MPZL1: variants seen among roughly 807,000 people sequenced by gnomAD.
The protein encoded by MPZL1 is myelin protein zero-like protein 1.
A neutral mutation model predicts 29.3 loss-of-function variants in MPZL1; 16 were observed. The ratio of observed to expected loss-of-function variants is 0.55; its 90% CI spans 0.37 to 0.83. The LOEUF (loss-of-function observed/expected upper bound fraction) is 0.83. Ranked by LOEUF, MPZL1 falls within the 40% of genes least tolerant of loss-of-function variation. The pLI is 0.00. For missense variants in MPZL1, 279 were observed against 332.9 expected (o/e 0.84, Z 1.26); for synonymous variants, 143 against 132.0 (o/e 1.08, Z -0.57).
chr1:167,770,441 G>GGACTGAGGAGA (rs1397680080), intron 2 of MPZL1, among the ~76,000 whole-genome samples: 1 of 152,250 alleles, frequency 6.6e-6, no homozygotes, highest in Non-Finnish European at 1.5e-5. Context: ...GCTGAAAGCA[G>GGACTGAGGAGA]GACTGAGGAG....
intron 1 of MPZL1, among the ~76,000 whole-genome samples, chr1:167,742,521 A>G (rs1040194569): frequency 2.6e-5 from 4 of 152,136 alleles, no homozygotes; most frequent in Non-Finnish European, 5.9e-5. Context: ...TCAGTCTACC[A>G]TAATCAGAAT....
Position 167,789,664 on chromosome 1 carries a change from A to G in MPZL1, c.*1743A>G, listed in dbSNP as rs3088322. 110,489 of 152,116 alleles carry G rather than the reference A, an allele frequency of 0.73. 40,421 individuals carry two copies. Among genetic ancestry groups the G allele is most frequent in the Admixed American group, 0.8 (12,201 of 15,300 alleles). The allele number at this position is 152,116 out of a possible 1,614,324, so 9.4% of individuals were successfully genotyped here. A position where few individuals can be genotyped will look rare whatever the true frequency, so the allele number is the denominator to read the frequency against. On this transcript the variant is annotated 3_prime_UTR_variant, in exon 6 of 6. Transcript: ENST00000359523. ...TGTAACGCTCCACCTTACATGCCAC[A>G]TCTGTGTGAGTCAACAGGGATCAGG...
In MPZL1 at chr1:167,787,888, G is replaced by C. The variant is rs769945676; in HGVS notation, c.777G>C (p.Glu259Asp). 4 of 1,613,572 alleles carry C rather than the reference G, an allele frequency of 2.5e-6. No individual in the cohort carries two copies. In the South Asian group the frequency reaches 3.3e-5, roughly 13 times the overall value. ...GHHSDKINKS[E>D]SVVYADIRKN ...ACAGTGACAAGATTAACAAGTCAGA[G>C]TCTGTGGTGTATGCGGATATCCGAA... The change falls in exon 6 of 6, where the codon GAG (glutamate) becomes GAC (aspartate). Residue 259 changes from glutamate (E) to aspartate (D), a missense_variant. Glu to Asp is a conservative substitution (Grantham distance 45). Transcript: ENST00000359523.
At chr1:167,779,998 C>T (rs1226658259) in intron 5 of MPZL1, among the ~76,000 whole-genome samples, 1 of 152,012 alleles carries the variant, frequency 6.6e-6, no homozygotes, top group Non-Finnish European at 1.5e-5. Context: ...GATCTACTTA[C>T]AAAGAAGACA....
intron 1 of MPZL1, among the ~76,000 whole-genome samples, chr1:167,750,614 A>T (rs752377685): frequency 1.8e-4 from 27 of 152,206 alleles, no homozygotes; most frequent in Non-Finnish European, 3.4e-4. Flanking sequence ...AAGCAGTAAA[A>T]ATGCCGTTCC....
rs1387652331 is a variant in MPZL1, at chr1:167,739,282, C to CATATATACATATAT, written c.91+17047_91+17048insCATATATATATATA. Among the ~76,000 whole-genome samples, 101 of 90,388 alleles carry CATATATACATATAT rather than the reference C, an allele frequency of 1.1e-3. No individual in the cohort carries two copies. The East Asian group carries it at 0.012, about 11-fold the overall frequency. The allele number at this position is 90,388 out of a possible 152,430, so 59.3% of individuals were successfully genotyped here. A position where few individuals can be genotyped will look rare whatever the true frequency, so the allele number is the denominator to read the frequency against. ...ATACACATACATATATACATATATA[C>CATATATACATATAT]ATATATATATATATATATATATATA... is the stretch of plus-strand genomic sequence containing the variant. On this transcript the variant is annotated intron_variant, in intron 1 of 5. Transcript: ENST00000359523.
intron 1 of MPZL1, among the ~76,000 whole-genome samples, chr1:167,751,350 T>C (rs1660751249): frequency 6.6e-6 from 1 of 152,132 alleles, no homozygotes; most frequent in Non-Finnish European, 1.5e-5. Context: ...ACAGATATAA[T>C]CATGTAGAAT....
chr1:167,763,511 A>G (rs977072371), intron 1 of MPZL1, among the ~76,000 whole-genome samples: 2 of 151,784 alleles, frequency 1.3e-5, no homozygotes, highest in African/African-American at 2.4e-5. Context: ...AAAAAAAAAA[A>G]AAAGAAAGAA....
chr1:167,728,113 C>T (rs796431543), intron 1 of MPZL1, among the ~76,000 whole-genome samples: 48 of 148,058 alleles, frequency 3.2e-4, no homozygotes, highest in African/African-American at 1.1e-3. Flanking sequence ...CATCTCGGCT[C>T]ATTGCAGCCT....
At chr1:167,776,239 G>A (rs1036319081) in intron 5 of MPZL1, 73 bp downstream of exon 5, 18 of 1,078,386 alleles carry the variant, frequency 1.7e-5, no homozygotes, top group Non-Finnish European at 2.3e-5. Context: ...CCTTGGGTGT[G>A]GAAAAGAATA....
rs1274923103 is a variant in MPZL1, at chr1:167,765,725, A to G, written c.234A>G (p.Pro78=). The change falls in exon 2 of 6, where the codon CCA becomes CCG. Residue 78 remains proline (P), a synonymous_variant. Transcript: ENST00000359523. The stretch of plus-strand genomic sequence containing the variant: ...CCTCAGTCTCCTGGAGCTTCCAGCC[A>G]GAGGGGGCCGACACTACTGTGTCGG... The part of the protein sequence containing the change: ...GLTSVSWSFQ[P]EGADTTVSFF... 2 of 1,611,802 alleles carry G rather than the reference A, an allele frequency of 1.2e-6. No individual in the cohort carries two copies. The highest frequency in any genetic ancestry group is 1.7e-6 in the Non-Finnish European group (2 of 1,178,936).
At chr1:167,755,613 A>G (rs12039424) in intron 1 of MPZL1, among the ~76,000 whole-genome samples, 26,978 of 152,122 alleles carry the variant, frequency 0.18, 2,613 homozygotes, top group East Asian at 0.35. Context: ...AGAACCAAGA[A>G]ATGTTTGGAT....
chr1:167,722,683 T>C (rs1038356921), intron 1 of MPZL1, among the ~76,000 whole-genome samples: 29 of 152,224 alleles, frequency 1.9e-4, no homozygotes, highest in African/African-American at 6.5e-4. Context: ...GTTGCAGGTT[T>C]TTCATTTGTA....
At chr1:167,785,361 A>C (rs36064234) in intron 5 of MPZL1, among the ~76,000 whole-genome samples, 7,435 of 152,340 alleles carry the variant, frequency 0.049, 253 homozygotes, top group Non-Finnish European at 0.072. Context: ...TTCACATGGT[A>C]GTGGTGGCTG....
chr1:167,731,454 T>A (rs531289625), intron 1 of MPZL1, among the ~76,000 whole-genome samples: 1 of 149,186 alleles, frequency 6.7e-6, no homozygotes, highest in Non-Finnish European at 1.5e-5. Flanking sequence ...TTTTTTTTTT[T>A]GAGACGGAGT....
chr1:167,722,094 A>G lies in MPZL1; in HGVS notation c.-58A>G. 2 of 1,232,094 alleles carry G rather than the reference A, an allele frequency of 1.6e-6. No homozygotes were observed. Among genetic ancestry groups the G allele is most frequent in the Non-Finnish European group, 2.0e-6 (2 of 987,670 alleles). The allele number at this position is 1,232,094 out of a possible 1,614,324, so 76.3% of individuals were successfully genotyped here. On this transcript the variant is annotated 5_prime_UTR_variant, in exon 1 of 6. Coordinates refer to ENST00000359523, the MANE Select transcript of MPZL1 (RefSeq NM_003953.6). ...CTCTTCCCCAAGCCGAGCCAACCTC[A>G]GCGGGGACCCGGGCTCAGGGACGCG...
At chr1:167,779,091 C>T (rs1661434068) in intron 5 of MPZL1, among the ~76,000 whole-genome samples, 2 of 151,710 alleles carry the variant, frequency 1.3e-5, no homozygotes, top group African/African-American at 2.4e-5. Context: ...CACTGTACTC[C>T]AGCCTGGGCA....
At chr1:167,779,298 A>T (rs1166412930) in intron 5 of MPZL1, among the ~76,000 whole-genome samples, 1 of 152,128 alleles carries the variant, frequency 6.6e-6, no homozygotes, top group Non-Finnish European at 1.5e-5. Context: ...GCAATAGCGA[A>T]AATTGCTGGG....
At chr1:167,731,157 G>A (rs992068759) in intron 1 of MPZL1, among the ~76,000 whole-genome samples, 4 of 152,248 alleles carry the variant, frequency 2.6e-5, no homozygotes, top group African/African-American at 4.8e-5. Flanking sequence ...AAAATGGGCC[G>A]GGTGCCGTGG....
Sources: allele counts gnomAD v4.1 joint callset (sites outside exome capture counted in the v4.1 genomes callset), GRCh38; gene constraint gnomAD v4.1.1; transcripts MANE v1.5; gene names NCBI Gene and HGNC (gene_info 2026-07-23, HGNC 2026-07-21).